The following DNAH6 variants were observed in gnomAD, a reference collection of about 807,000 sequenced individuals.
DNAH6 encodes the protein dynein axonemal heavy chain 6.
A neutral mutation model predicts 491.4 loss-of-function variants in DNAH6; 340 were observed. That is an observed-to-expected ratio of 0.69 (90% CI 0.63 to 0.76). DNAH6 has a LOEUF of 0.76. Ranked by LOEUF, DNAH6 falls within the 30% of genes least tolerant of loss-of-function variation. DNAH6 has a pLI of 0.00. For missense variants in DNAH6, 4,443 were observed against 4,972.2 expected (o/e 0.89, Z 3.20); for synonymous variants, 1,603 against 1,686.1 (o/e 0.95, Z 1.21).
At chr2:84,588,306 C>G (rs529960226) in intron 15 of DNAH6, among the ~76,000 whole-genome samples, 1 of 152,206 alleles carries the variant, frequency 6.6e-6, no homozygotes, top group Non-Finnish European at 1.5e-5. Flanking sequence ...TATCCCAAAC[C>G]TAGTTAAGTG....
the DNAH6 span, among the ~76,000 whole-genome samples, chr2:84,499,009 A>G: frequency 1.2e-4 from 18 of 150,836 alleles, no homozygotes; most frequent in African/African-American, 4.4e-4. Context: ...TTCATGGAGA[A>G]TGGAGTATCC....
chr2:84,685,240 A>G (rs1275007581), intron 42 of DNAH6, 86 bp from the exon 43 acceptor site: 1 of 1,000,598 alleles, frequency 1.0e-6, no homozygotes, highest in African/African-American at 1.6e-5. Context: ...GTAAAGTTGT[A>G]CTTAAGGGTT....
chr2:84,722,513 A>T, intron 59 of DNAH6, 112 bp from the exon 60 acceptor site: 1 of 898,044 alleles, frequency 1.1e-6, no homozygotes, highest in Non-Finnish European at 1.6e-6. Flanking sequence ...TATTATAATC[A>T]CCAACTCATT....
the DNAH6 span, among the ~76,000 whole-genome samples, chr2:84,464,215 T>C: frequency 3.9e-5 from 6 of 152,206 alleles, no homozygotes; most frequent in African/African-American, 1.4e-4. Context: ...TCTGATTCTG[T>C]CAGCTCTCTC....
chr2:84,816,095 C>G lies in DNAH6; in HGVS notation c.12373+12C>G. ...ACTCTCAACCACAGGTGAGGATGTT[C>G]TTAAGATTAGTTCAAATAATGACCA... On this transcript the variant is annotated intron_variant, in intron 76 of 76. Coordinates refer to ENST00000389394, the MANE Select transcript of DNAH6 (RefSeq NM_001370.2). 2.0e-6 allele frequency: 3 copies of G among 1,535,208 alleles called. No homozygotes were observed. Among genetic ancestry groups the G allele is most frequent in the Non-Finnish European group, 1.8e-6 (2 of 1,134,644 alleles).
At chr2:84,711,575 A>G (rs1264678174) in intron 56 of DNAH6, among the ~76,000 whole-genome samples, 1 of 152,210 alleles carries the variant, frequency 6.6e-6, no homozygotes, top group Non-Finnish European at 1.5e-5. Context: ...TCAGTATTTT[A>G]TGTATTTTAA....
rs1680640740 is a variant in DNAH6 at position 84,817,852 on chromosome 2, C to A, written c.12374-1453C>A. On this transcript the variant is annotated intron_variant, in intron 76 of 76. Transcript: ENST00000389394. The stretch of plus-strand genomic sequence containing the variant: ...GGGAGGGAGGCGCCAGACTCTTTAA[C>A]AAGCAGCTCTCGCAAGAACTAATAA... Among the ~76,000 whole-genome samples the A allele has an allele frequency of 2.0e-5, 3 of 152,232 alleles. No homozygotes were observed. In the South Asian group the frequency reaches 6.2e-4, roughly 32 times the overall value.
chr2:84,741,874 G>A (rs1039432757), intron 62 of DNAH6, among the ~76,000 whole-genome samples: 5 of 152,192 alleles, frequency 3.3e-5, no homozygotes, highest in African/African-American at 1.2e-4. Context: ...GGCCCTAGTG[G>A]GTCAAGGGTT....
Position 84,762,805 on chromosome 2 carries a change from T to G in DNAH6, c.10563T>G (p.Phe3521Leu). The G allele has an allele frequency of 6.4e-7, 1 of 1,551,368 alleles. No homozygotes were observed. The highest frequency in any genetic ancestry group is 8.7e-7 in the Non-Finnish European group (1 of 1,146,778). ...TGATAGAAAATCTTGGAAAACAGTT[T>G]ATAGAGACACCACCTGTGGACCTGC... ...DFVIENLGKQ[F>L]IETPPVDLPT... Residue 3521 changes from phenylalanine (F) to leucine (L), a missense_variant, in exon 64 of 77, where the codon TTT (phenylalanine) becomes TTG (leucine). This residue lies in a region of DNAH6 where 1,463 missense variants were observed against 1,656.6 expected (regional missense o/e 0.88). Coordinates refer to ENST00000389394, the MANE Select transcript of DNAH6 (RefSeq NM_001370.2).
intron 10 of DNAH6, among the ~76,000 whole-genome samples, chr2:84,553,579 C>T (rs903026871): frequency 6.6e-6 from 1 of 151,308 alleles, no homozygotes; most frequent in East Asian, 1.9e-4. Context: ...CCTCTCACCT[C>T]AGCCTCCTGA....
intron 8 of DNAH6, 41 bp downstream of exon 8, chr2:84,548,458 T>C: frequency 6.2e-7 from 1 of 1,608,726 alleles, no homozygotes; most frequent in Non-Finnish European, 8.5e-7. Context: ...GTAGTACCCA[T>C]CTTAAGCTGC....
chr2:84,712,096 C>T (rs749534590), intron 56 of DNAH6, among the ~76,000 whole-genome samples: 3 of 152,226 alleles, frequency 2.0e-5, no homozygotes, highest in Non-Finnish European at 4.4e-5. Context: ...GTCTTGGGGT[C>T]ATCAGCATTA....
chr2:84,794,485 AAAAC>A (rs1329605042), intron 68 of DNAH6, among the ~76,000 whole-genome samples: 4 of 150,488 alleles, frequency 2.7e-5, no homozygotes, highest in African/African-American at 7.3e-5. Flanking sequence ...TTACAAGAAA[AAAAC>A]AAACAACCCC....
At chr2:84,595,468 T>A (rs1460075097) in intron 17 of DNAH6, among the ~76,000 whole-genome samples, 178 bp from the exon 18 acceptor site, 1 of 152,074 alleles carries the variant, frequency 6.6e-6, no homozygotes, top group African/African-American at 2.4e-5. Context: ...GGCAAGAACA[T>A]GAAAGGAATA....
At chr2:84,699,054 G>T (rs1487547810) in intron 47 of DNAH6, among the ~76,000 whole-genome samples, 6 of 152,168 alleles carry the variant, frequency 3.9e-5, no homozygotes, top group African/African-American at 1.4e-4. Context: ...GGGATGAAAG[G>T]GTTGAAAAAC....
At chr2:84,750,272 A>G (rs1465061642) in intron 63 of DNAH6, among the ~76,000 whole-genome samples, 2 of 149,008 alleles carry the variant, frequency 1.3e-5, no homozygotes, top group Non-Finnish European at 3.0e-5. Flanking sequence ...ACTCACTGCA[A>G]CCTCTGCTCA....
Position 84,728,888 on chromosome 2 carries a change from C to G in DNAH6, c.10206+986C>G, listed in dbSNP as rs986052905. Among the ~76,000 whole-genome samples, 21 of 152,226 alleles carry G rather than the reference C, an allele frequency of 1.4e-4. No individual in the cohort carries two copies. In the East Asian group the frequency reaches 4.1e-3, roughly 29 times the overall value. On this transcript the variant is annotated intron_variant, in intron 61 of 76. Transcript: ENST00000389394. ...CCTACAATTTGATCTCTGCTCCACT[C>G]TAAATTCTTGGCTCTGTCCAACTCT... is the stretch of plus-strand genomic sequence containing the variant.
chr2:84,623,613 A>G (rs1687595867), intron 26 of DNAH6, among the ~76,000 whole-genome samples: 1 of 152,208 alleles, frequency 6.6e-6, no homozygotes, highest in Non-Finnish European at 1.5e-5. Context: ...GAAAAGAGGA[A>G]TGACTCCCTA....
intron 63 of DNAH6, among the ~76,000 whole-genome samples, chr2:84,753,322 T>C (rs1673647934): frequency 6.6e-6 from 1 of 152,210 alleles, no homozygotes. Context: ...TCTCATCCTA[T>C]GGGCTGTCTT....
Sources: allele counts gnomAD v4.1 joint callset (sites outside exome capture counted in the v4.1 genomes callset), GRCh38; gene constraint gnomAD v4.1.1; regional missense constraint gnomAD v4.1.1; transcripts MANE v1.5; gene names NCBI Gene and HGNC (gene_info 2026-07-23, HGNC 2026-07-21).